The following PDE4D variants were observed in gnomAD, a reference collection of about 807,000 sequenced individuals.
PDE4D encodes the protein 3',5'-cyclic-AMP phosphodiesterase 4D.
PDE4D carries 24 observed loss-of-function variants against 87.4 expected under a neutral mutation model. The ratio of observed to expected loss-of-function variants is 0.27; its 90% CI spans 0.20 to 0.39. PDE4D has a LOEUF of 0.39. Ranked by LOEUF, PDE4D falls within the 10% of genes least tolerant of loss-of-function variation. The probability of loss-of-function intolerance (pLI) is 1.00; values close to 1 mark genes in which losing one functional copy is unlikely to be tolerated. For missense variants in PDE4D, 714 were observed against 1,041.0 expected, an observed-to-expected ratio of 0.69 and a Z score of 4.32; for synonymous variants, 384 against 383.2, an observed-to-expected ratio of 1.00 and a Z score of -0.02.
chr5:60,304,669 A>G (rs1031263538), intron 1 of PDE4D, among the ~76,000 whole-genome samples: 12 of 150,484 alleles, frequency 8.0e-5, no homozygotes, highest in African/African-American at 2.0e-4. Context: ...AAAAAAAAAA[A>G]AAAAAGAAAT....
intron 2 of PDE4D, among the ~76,000 whole-genome samples, chr5:60,034,488 C>T (rs1038682608): frequency 1.3e-5 from 2 of 152,128 alleles, no homozygotes; most frequent in South Asian, 2.1e-4. Flanking sequence ...CCTTCTTCTG[C>T]CTTTGACCTT....
intron 1 of PDE4D, among the ~76,000 whole-genome samples, chr5:60,302,154 C>T (rs61424968): frequency 0.056 from 8,498 of 152,060 alleles, 802 homozygotes; most frequent in African/African-American, 0.19. Context: ...TATATCTCTG[C>T]CAGGTTTTGG....
chr5:59,296,360 A>G (rs1402677101), intron 1 of PDE4D, among the ~76,000 whole-genome samples: 1 of 152,150 alleles, frequency 6.6e-6, no homozygotes, highest in Non-Finnish European at 1.5e-5. Flanking sequence ...TTGAATTGTG[A>G]TGAAATGGCA....
At chr5:59,484,816 T>C (rs1230160983) in intron 1 of PDE4D, among the ~76,000 whole-genome samples, 2 of 152,204 alleles carry the variant, frequency 1.3e-5, no homozygotes, top group East Asian at 3.8e-4. Flanking sequence ...TTTAGTCATT[T>C]GTTTCACATT....
intron 5 of PDE4D, among the ~76,000 whole-genome samples, chr5:59,177,511 G>T (rs1784081810): frequency 6.6e-6 from 1 of 152,208 alleles, no homozygotes; most frequent in Non-Finnish European, 1.5e-5. Flanking sequence ...ATTCAAGCCA[G>T]CAACAACTGC....
intron 1 of PDE4D, among the ~76,000 whole-genome samples, chr5:59,573,911 C>A (rs1000299797): frequency 6.8e-6 from 1 of 148,014 alleles, no homozygotes; most frequent in Non-Finnish European, 1.5e-5. Flanking sequence ...GCTAGGAGAA[C>A]CGCTTGAAAC....
intron 1 of PDE4D, among the ~76,000 whole-genome samples, chr5:59,757,150 A>T (rs556463690): frequency 6.6e-6 from 1 of 152,268 alleles, no homozygotes; most frequent in South Asian, 2.1e-4. Flanking sequence ...AAATACAAAC[A>T]TGAACTAGAA....
At chr5:59,657,248 C>A (rs1013292426) in intron 1 of PDE4D, among the ~76,000 whole-genome samples, 6 of 152,122 alleles carry the variant, frequency 3.9e-5, no homozygotes, top group South Asian at 2.1e-4. Context: ...AATAATAATT[C>A]TTTGCTATTT....
At chr5:60,203,642 G>A (rs1182061004) in intron 1 of PDE4D, among the ~76,000 whole-genome samples, 2 of 152,190 alleles carry the variant, frequency 1.3e-5, no homozygotes. Flanking sequence ...AGTATATACA[G>A]TAATAGCTTT....
chr5:60,475,823 G>GAAAAAAAAAAAAAAAA (rs397792795), intron 1 of PDE4D, among the ~76,000 whole-genome samples: 2 of 95,062 alleles, frequency 2.1e-5, no homozygotes, highest in Non-Finnish European at 2.2e-5. Flanking sequence ...TCTGTTAAAT[G>GAAAAAAAAAAAAAAAA]AAAAAAAAAA....
At chr5:60,191,526 G>GT (rs1468088977) in intron 1 of PDE4D, among the ~76,000 whole-genome samples, 6 of 152,078 alleles carry the variant, frequency 3.9e-5, no homozygotes, top group Non-Finnish European at 8.8e-5. Flanking sequence ...CAACATGATT[G>GT]TAAGTTTCCT....
chr5:59,785,790 T>C (rs1765107887), intron 1 of PDE4D, among the ~76,000 whole-genome samples: 1 of 152,170 alleles, frequency 6.6e-6, no homozygotes, highest in African/African-American at 2.4e-5. Context: ...TGGTACCATG[T>C]TTTTGCCGGT....
At chr5:60,085,779 T>C (rs1288365170) in intron 2 of PDE4D, among the ~76,000 whole-genome samples, 1 of 152,220 alleles carries the variant, frequency 6.6e-6, no homozygotes, top group East Asian at 1.9e-4. Flanking sequence ...TTAAATTGCT[T>C]ATGCTATTTT....
intron 1 of PDE4D, among the ~76,000 whole-genome samples, chr5:59,518,305 T>C (rs1046368047): frequency 6.6e-5 from 10 of 151,898 alleles, no homozygotes; most frequent in African/African-American, 2.4e-4. Context: ...TGTATTTCTT[T>C]TGCTAAAAAA....
At chr5:60,072,504 A>G (rs1339695314) in intron 2 of PDE4D, among the ~76,000 whole-genome samples, 1 of 152,024 alleles carries the variant, frequency 6.6e-6, no homozygotes, top group Non-Finnish European at 1.5e-5. Flanking sequence ...GAAGCTCTGT[A>G]TTTAATTAGA....
At chr5:59,670,678 C>T (rs1291040333) in intron 1 of PDE4D, among the ~76,000 whole-genome samples, 2 of 152,062 alleles carry the variant, frequency 1.3e-5, no homozygotes, top group East Asian at 3.8e-4. Context: ...GATATTCAAC[C>T]TGTATATGTT....
Position 58,975,622 on chromosome 5 carries a change from T to C in PDE4D, c.2013+35A>G, listed in dbSNP as rs1177548702. 4.1e-6 allele frequency: 6 copies of C among 1,453,032 alleles called. No homozygotes were observed. The highest frequency in any genetic ancestry group is 2.8e-5 in the African/African-American group (2 of 70,292). 90.0% of individuals were successfully genotyped at this position (1,453,032 alleles called of 1,614,324 possible). A position where few individuals can be genotyped will look rare whatever the true frequency, so the allele number is the denominator to read the frequency against. On this transcript the variant is annotated intron_variant, in intron 14 of 14. Coordinates refer to ENST00000340635, the MANE Select transcript of PDE4D (RefSeq NM_001104631.2). The surrounding 1 kb of genome is among the most constrained non-coding windows in gnomAD (Gnocchi z 4.2). ...TAACCAAATGCTAAAGCGGTAGCTC[T>C]GTTCTCTCTGAAAGCTATACACTTC...
At chr5:59,572,519 C>T (rs942143051) in intron 1 of PDE4D, among the ~76,000 whole-genome samples, 1 of 152,026 alleles carries the variant, frequency 6.6e-6, no homozygotes, top group Non-Finnish European at 1.5e-5. Context: ...CTTGCTCTTT[C>T]GCCCAGGCCG....
At chr5:59,761,281 A>G (rs1761933668) in intron 1 of PDE4D, among the ~76,000 whole-genome samples, 1 of 150,658 alleles carries the variant, frequency 6.6e-6, no homozygotes, top group South Asian at 2.1e-4. Flanking sequence ...GTGAGTGGTG[A>G]GTCAATGTGA....
Sources: gnomAD v4.1 joint callset for allele counts (sites outside exome capture counted in the v4.1 genomes callset) on GRCh38, gnomAD v4.1.1 for gene constraint, Gnocchi (gnomAD v3.1) non-coding constraint, MANE v1.5 for transcripts, NCBI Gene and HGNC (gene_info 2026-07-23, HGNC 2026-07-21) for gene names.